CSMD1: variants seen among roughly 807,000 people sequenced by gnomAD.
The protein encoded by CSMD1 is CUB and Sushi multiple domains 1, also known as CUB and sushi domain-containing protein 1.
Under a neutral mutation model 417.5 loss-of-function variants are expected in CSMD1, and 213 were observed. The observed-to-expected ratio is 0.51, with a 90% CI of 0.46 to 0.57. The LOEUF is 0.57. Ranked by LOEUF, CSMD1 falls within the 20% of genes least tolerant of loss-of-function variation. CSMD1 has a pLI of 0.00. For synonymous variants in CSMD1, 2,862 were observed against 1,736.8 expected, an observed-to-expected ratio of 1.65 and a Z score of -16.11; for missense variants, 6,923 against 4,529.7, an observed-to-expected ratio of 1.53 and a Z score of -15.17.
chr8:4,948,151 A>T (rs1808492087), intron 1 of CSMD1, among the ~76,000 whole-genome samples: 2 of 152,128 alleles, frequency 1.3e-5, no homozygotes, highest in Non-Finnish European at 2.9e-5. Flanking sequence ...CATGGTACAA[A>T]GTTTCCTAAT....
At chr8:3,006,664 C>T (rs1190622296) in intron 52 of CSMD1, among the ~76,000 whole-genome samples, 3 of 149,978 alleles carry the variant, frequency 2.0e-5, no homozygotes, top group African/African-American at 7.4e-5. Context: ...GAAAAACAAG[C>T]AATGGGGAAA....
chr8:3,802,918 T>C (rs1800536779), intron 5 of CSMD1, among the ~76,000 whole-genome samples: 1 of 152,142 alleles, frequency 6.6e-6, no homozygotes, highest in African/African-American at 2.4e-5. Context: ...ACAGGAATTT[T>C]GAAAGAACCT....
chr8:3,102,746 A>G (rs900909620), intron 46 of CSMD1, among the ~76,000 whole-genome samples: 3 of 152,174 alleles, frequency 2.0e-5, no homozygotes, highest in Admixed American at 2.0e-4. Context: ...CTTTATACAA[A>G]GCCTGGAACG....
intron 5 of CSMD1, among the ~76,000 whole-genome samples, chr8:3,908,810 A>C (rs1351266662): frequency 6.6e-6 from 1 of 152,184 alleles, no homozygotes; most frequent in African/African-American, 2.4e-5. Flanking sequence ...TATTATTTGA[A>C]ACAGGATCTC....
At chr8:4,432,384 A>C (rs748632733) in intron 2 of CSMD1, among the ~76,000 whole-genome samples, 1 of 152,160 alleles carries the variant, frequency 6.6e-6, no homozygotes, top group Non-Finnish European at 1.5e-5. Flanking sequence ...TGATTAACCT[A>C]CACTAAGGCA....
intron 49 of CSMD1, among the ~76,000 whole-genome samples, chr8:3,056,823 T>C (rs1812262055): frequency 6.6e-6 from 1 of 151,926 alleles, no homozygotes; most frequent in Non-Finnish European, 1.5e-5. Context: ...TTAAGAATTT[T>C]TTATTAAAAT....
intron 23 of CSMD1, among the ~76,000 whole-genome samples, chr8:3,329,752 C>T (rs1317713110): frequency 6.6e-6 from 1 of 152,124 alleles, no homozygotes; most frequent in Non-Finnish European, 1.5e-5. Flanking sequence ...AGAGGCCATG[C>T]CATCAGTCTG....
rs1420684024 is a variant in CSMD1 at position 3,262,184 on chromosome 8, A to AAAATATATATAT, written c.4153+21959_4153+21960insATATATATATTT. Among the ~76,000 whole-genome samples the AAAATATATATAT allele has an allele frequency of 3.0e-4, 19 of 63,172 alleles. 1 individual carries two copies. The highest frequency in any genetic ancestry group is 3.5e-4 in the Non-Finnish European group (12 of 33,900). 41.4% of individuals were successfully genotyped at this position (63,172 alleles called of 152,430 possible). A position where few individuals can be genotyped will look rare whatever the true frequency, so the allele number is the denominator to read the frequency against. ...TTATTTCTAAAATTATGCTCATATG[A>AAAATATATATAT]ATATATATATATATATATATATATA... is the stretch of plus-strand genomic sequence containing the variant. On this transcript the variant is annotated intron_variant, in intron 26 of 69. Transcript: ENST00000635120.
At position 3,848,698 on chromosome 8, in the gene CSMD1, T is replaced by C. The variant is rs575239432; in HGVS notation, c.819-94656A>G. ...CCTATTATGCTCCTTGCACCATCTGTGTGATCTGATCTCTGAAAATGCAAT... is the reference window on the plus strand; with the variant it reads ...CCTATTATGCTCCTTGCACCATCTGCGTGATCTGATCTCTGAAAATGCAAT... On this transcript the variant is annotated intron_variant, in intron 5 of 69. Transcript: ENST00000635120. 5.0e-4 allele frequency among the ~76,000 whole-genome samples: 76 copies of C among 152,250 alleles called. No individual in the cohort carries two copies. The East Asian group carries it at 0.011, about 22-fold the overall frequency.
chr8:3,709,541 C>T (rs1416668637), intron 6 of CSMD1, among the ~76,000 whole-genome samples: 1 of 152,008 alleles, frequency 6.6e-6, no homozygotes, highest in Non-Finnish European at 1.5e-5. Context: ...AATCAGCTGA[C>T]TCAGGAAAGA....
At chr8:3,686,150 G>A (rs1029358297) in intron 7 of CSMD1, among the ~76,000 whole-genome samples, 6 of 152,060 alleles carry the variant, frequency 3.9e-5, no homozygotes, top group African/African-American at 1.2e-4. Flanking sequence ...GGACTATTAG[G>A]TAGGTTTCAA....
intron 2 of CSMD1, among the ~76,000 whole-genome samples, chr8:4,563,008 T>A (rs767308182): frequency 6.6e-6 from 1 of 152,154 alleles, no homozygotes; most frequent in Non-Finnish European, 1.5e-5. Context: ...ACATGCACCA[T>A]GAAAATTCCG....
intron 3 of CSMD1, among the ~76,000 whole-genome samples, chr8:4,359,622 C>T (rs1801635742): frequency 6.6e-6 from 1 of 152,164 alleles, no homozygotes; most frequent in African/African-American, 2.4e-5. Flanking sequence ...AGTCAATGAA[C>T]CTGTGTTTGA....
At chr8:3,245,671 A>G (rs1038099521) in intron 26 of CSMD1, among the ~76,000 whole-genome samples, 1 of 152,186 alleles carries the variant, frequency 6.6e-6, no homozygotes, top group African/African-American at 2.4e-5. Context: ...GCCTCCTTTC[A>G]TAAGGATGTA....
chr8:4,204,788 G>T (rs146556910), intron 3 of CSMD1, among the ~76,000 whole-genome samples: 1 of 152,034 alleles, frequency 6.6e-6, no homozygotes, highest in African/African-American at 2.4e-5. Flanking sequence ...CTGAGTAGCT[G>T]AGACCACAGG....
chr8:4,396,477 A>C (rs972251344), intron 3 of CSMD1, among the ~76,000 whole-genome samples: 7 of 152,140 alleles, frequency 4.6e-5, no homozygotes, highest in African/African-American at 1.4e-4. Flanking sequence ...CTCACTCTGC[A>C]ATGGGAATTG....
intron 47 of CSMD1, among the ~76,000 whole-genome samples, chr8:3,094,330 C>G (rs1379796688): frequency 6.6e-6 from 1 of 152,108 alleles, no homozygotes; most frequent in African/African-American, 2.4e-5. Flanking sequence ...GTCTCAAACT[C>G]CTGACCTCAG....
rs767258235 is a variant in CSMD1 at position 4,787,601 on chromosome 8, G to A, written c.86-150043C>T. 3,599 of 1,545,370 alleles carry A rather than the reference G, an allele frequency of 2.3e-3. 4 individuals are homozygous for A. Among genetic ancestry groups the A allele is most frequent in the Non-Finnish European group, 2.6e-3 (2,920 of 1,121,092 alleles). On this transcript the variant is annotated intron_variant, in intron 1 of 69. Transcript: ENST00000635120. Reference sequence around the variant, plus strand: ...ACCCCAGTGCGAAATGATTCCAATTGAATGGGTTTGCAGAAGAATAGCAAC... The same window carrying A: ...ACCCCAGTGCGAAATGATTCCAATTAAATGGGTTTGCAGAAGAATAGCAAC...
chr8:3,941,625 C>T (rs1433208470), intron 5 of CSMD1, among the ~76,000 whole-genome samples: 1 of 152,040 alleles, frequency 6.6e-6, no homozygotes, highest in African/African-American at 2.4e-5. Flanking sequence ...GAAGATAAGA[C>T]TTAATGAAAA....
Sources: allele counts gnomAD v4.1 joint callset (sites outside exome capture counted in the v4.1 genomes callset), GRCh38; gene constraint gnomAD v4.1.1; transcripts MANE v1.5; gene names NCBI Gene and HGNC (gene_info 2026-07-23, HGNC 2026-07-21).